The following SLC24A2 variants were observed in gnomAD, a reference collection of about 807,000 sequenced individuals.
SLC24A2 encodes the protein sodium/potassium/calcium exchanger 2.
A neutral mutation model predicts 62.0 loss-of-function variants in SLC24A2; 36 were observed. That is an observed-to-expected ratio of 0.58 (90% confidence interval 0.44 to 0.77). SLC24A2 has a LOEUF of 0.77. Ranked by LOEUF, SLC24A2 falls within the 30% of genes least tolerant of loss-of-function variation. The probability of loss-of-function intolerance (pLI) is 0.00; values close to 1 mark genes in which losing one functional copy is unlikely to be tolerated. For missense variants in SLC24A2, 846 were observed against 817.9 expected (o/e 1.03, Z -0.42); for synonymous variants, 358 against 294.0 (o/e 1.22, Z -2.23).
At chr9:20,007,546 C>T in the SLC24A2 span, among the ~76,000 whole-genome samples, 2 of 151,992 alleles carry the variant, frequency 1.3e-5, no homozygotes, top group South Asian at 2.1e-4. Flanking sequence ...TACATAAATC[C>T]ATATAGGTGT....
the SLC24A2 span, among the ~76,000 whole-genome samples, chr9:20,068,054 ACT>A: frequency 9.8e-6 from 1 of 102,388 alleles, no homozygotes; most frequent in Non-Finnish European, 2.0e-5. Context: ...TTATTTTTTG[ACT>A]CTTTTTTTTT....
At chr9:19,833,115 T>G in the SLC24A2 span, among the ~76,000 whole-genome samples, 4 of 152,156 alleles carry the variant, frequency 2.6e-5, no homozygotes, top group Admixed American at 6.5e-5. Context: ...GATGGCCGAA[T>G]AGGAACAGCT....
chr9:20,036,198 T>C, the SLC24A2 span, among the ~76,000 whole-genome samples: 2 of 152,360 alleles, frequency 1.3e-5, no homozygotes, highest in African/African-American at 2.4e-5. Flanking sequence ...ATTTTCATTA[T>C]ATATTGACAA....
the SLC24A2 span, among the ~76,000 whole-genome samples, chr9:20,020,181 G>C: frequency 6.6e-6 from 1 of 152,170 alleles, no homozygotes; most frequent in African/African-American, 2.4e-5. Context: ...CAAGGATCTA[G>C]AACCAGAAAT....
chr9:19,757,626 C>T (rs1327688560), intron 2 of SLC24A2, among the ~76,000 whole-genome samples: 1 of 152,086 alleles, frequency 6.6e-6, no homozygotes, highest in Non-Finnish European at 1.5e-5. Flanking sequence ...AGTGGAATTT[C>T]CCAGTCTTTT....
chr9:19,572,259 C>CA (rs34529143), intron 7 of SLC24A2, among the ~76,000 whole-genome samples: 46,641 of 69,902 alleles, frequency 0.67, 15,676 homozygotes, highest in South Asian at 0.77. Context: ...GAGTCCGTCT[C>CA]AAAAAAAAAA....
In SLC24A2 at chr9:19,717,529, T is replaced by C. The variant is rs190229234; in HGVS notation, c.930+68408A>G. Among the ~76,000 whole-genome samples, 114 of 152,306 alleles carry C rather than the reference T, an allele frequency of 7.5e-4. 1 individual carries two copies. The highest frequency in any genetic ancestry group is 1.5e-4 in the Non-Finnish European group (10 of 68,024). ...GCTGCCAAAGTGGTTGCCTCAGAGG[T>C]CACTAAGAACATAACAACCAAAAAA... On this transcript the variant is annotated intron_variant, in intron 2 of 10. Coordinates refer to ENST00000341998, the MANE Select transcript of SLC24A2 (RefSeq NM_020344.4).
At chr9:19,584,284 AAAAAAAAAAC>A (rs1435639707) in intron 5 of SLC24A2, among the ~76,000 whole-genome samples, 1 of 149,622 alleles carries the variant, frequency 6.7e-6, no homozygotes, top group Non-Finnish European at 1.5e-5. Flanking sequence ...AAAAAAAAAA[AAAAAAAAAAC>A]AAACAAAAAA....
chr9:19,780,746 A>G (rs1822991402), intron 2 of SLC24A2, among the ~76,000 whole-genome samples: 1 of 151,510 alleles, frequency 6.6e-6, no homozygotes, highest in Admixed American at 6.6e-5. Context: ...GGTGGCAGGC[A>G]CCTGTAGTCT....
At chr9:19,540,462 T>A (rs1216027537) in intron 8 of SLC24A2, among the ~76,000 whole-genome samples, 4 of 151,410 alleles carry the variant, frequency 2.6e-5, no homozygotes, top group African/African-American at 9.8e-5. Flanking sequence ...CCTTCACTTA[T>A]GAAGCTTAGT....
At chr9:20,145,399 C>T in the SLC24A2 span, among the ~76,000 whole-genome samples, 251 of 152,196 alleles carry the variant, frequency 1.6e-3, 2 homozygotes, top group Middle Eastern at 6.8e-3. Flanking sequence ...TGGAAGCAAT[C>T]TCTCAGTTTC....
chr9:20,261,946 G>T, the SLC24A2 span, among the ~76,000 whole-genome samples: 1 of 152,048 alleles, frequency 6.6e-6, no homozygotes, highest in South Asian at 2.1e-4. Flanking sequence ...CACCATGTTA[G>T]TCAGGATGGT....
chr9:20,095,239 T>A, the SLC24A2 span, among the ~76,000 whole-genome samples: 1 of 152,242 alleles, frequency 6.6e-6, no homozygotes, highest in Non-Finnish European at 1.5e-5. Flanking sequence ...TCCTAAATTC[T>A]CAAATTTAAT....
At chr9:20,112,462 C>T in the SLC24A2 span, among the ~76,000 whole-genome samples, 2 of 152,170 alleles carry the variant, frequency 1.3e-5, no homozygotes, top group African/African-American at 4.8e-5. Context: ...TTAAGTTATT[C>T]ATCCTCTTTA....
chr9:20,157,397 TGAAA>T, the SLC24A2 span, among the ~76,000 whole-genome samples: 1 of 151,690 alleles, frequency 6.6e-6, no homozygotes, highest in African/African-American at 2.4e-5. Flanking sequence ...GAGAGTGGAA[TGAAA>T]GACTCTGTCT....
intron 2 of SLC24A2, among the ~76,000 whole-genome samples, chr9:19,756,629 G>C (rs1044513535): frequency 2.0e-5 from 3 of 152,110 alleles, no homozygotes; most frequent in African/African-American, 7.2e-5. Context: ...GTAATTATGT[G>C]ACAACTAATT....
At chr9:19,734,625 G>C (rs1054550288) in intron 2 of SLC24A2, among the ~76,000 whole-genome samples, 11 of 152,206 alleles carry the variant, frequency 7.2e-5, no homozygotes, top group African/African-American at 2.7e-4. Context: ...TGGATTCCTA[G>C]GTATTTTATT....
chr9:20,034,769 G>A, the SLC24A2 span, among the ~76,000 whole-genome samples: 8 of 152,226 alleles, frequency 5.3e-5, no homozygotes, highest in African/African-American at 1.9e-4. Context: ...CGCCCGGCCT[G>A]CCTTTTAAGA....
chr9:19,716,244 C>T (rs1012481152), intron 2 of SLC24A2, among the ~76,000 whole-genome samples: 6 of 152,206 alleles, frequency 3.9e-5, no homozygotes, highest in Non-Finnish European at 8.8e-5. Context: ...TATTTAACTG[C>T]ACCTGTTCAC....
Sources: gnomAD v4.1 joint callset for allele counts (sites outside exome capture counted in the v4.1 genomes callset) on GRCh38, gnomAD v4.1.1 for gene constraint, MANE v1.5 for transcripts, NCBI Gene and HGNC (gene_info 2026-07-23, HGNC 2026-07-21) for gene names.